MAD1L1: variants seen among roughly 807,000 people sequenced by gnomAD.
The protein encoded by MAD1L1 is mitotic spindle assembly checkpoint protein MAD1.
In MAD1L1, 95 loss-of-function variants were observed where a neutral mutation model predicts 96.9. That is an observed-to-expected ratio of 0.98 (90% CI 0.83 to 1.16). The LOEUF (loss-of-function observed/expected upper bound fraction) is 1.16. Among genes scored for constraint, MAD1L1 ranks in the 50% most tolerant of loss-of-function variants. The pLI is 0.00. For missense variants in MAD1L1, 1,007 were observed against 954.4 expected (o/e 1.06, Z -0.73); for synonymous variants, 473 against 396.6 (o/e 1.19, Z -2.29).
chr7:2,022,732 T>A (rs1391080453), intron 12 of MAD1L1, among the ~76,000 whole-genome samples: 1 of 152,102 alleles, frequency 6.6e-6, no homozygotes, highest in African/African-American at 2.4e-5. Flanking sequence ...TCATTTCGAA[T>A]GTGAATGATC....
At chr7:2,045,572 CTAATT>C (rs1783883649) in intron 12 of MAD1L1, among the ~76,000 whole-genome samples, 1 of 152,220 alleles carries the variant, frequency 6.6e-6, no homozygotes, top group Admixed American at 6.5e-5. Context: ...ACCAGTGGAT[CTAATT>C]TATTTAGAGA....
chr7:1,875,132 C>G (rs1327190310), intron 18 of MAD1L1, among the ~76,000 whole-genome samples: 1 of 152,170 alleles, frequency 6.6e-6, no homozygotes, highest in African/African-American at 2.4e-5. Flanking sequence ...GACTAACGAG[C>G]AGCTCCCCTG....
chr7:1,859,131 C>A (rs563710418), intron 18 of MAD1L1, among the ~76,000 whole-genome samples: 5 of 152,066 alleles, frequency 3.3e-5, no homozygotes, highest in Non-Finnish European at 7.4e-5. Flanking sequence ...CAACCCCACA[C>A]GCAGGAGGGC....
intron 18 of MAD1L1, among the ~76,000 whole-genome samples, chr7:1,831,670 C>T (rs574021631): frequency 6.6e-6 from 1 of 152,310 alleles, no homozygotes; most frequent in South Asian, 2.1e-4. Flanking sequence ...TTCCAACGAA[C>T]ACATGAATGA....
At chr7:1,875,351 C>T (rs1373950846) in intron 18 of MAD1L1, among the ~76,000 whole-genome samples, 1 of 152,202 alleles carries the variant, frequency 6.6e-6, no homozygotes, top group Admixed American at 6.5e-5. Flanking sequence ...AAGAAAACAT[C>T]CCCCAACTGG....
At chr7:1,868,156 A>C (rs923444180) in intron 18 of MAD1L1, among the ~76,000 whole-genome samples, 3 of 152,166 alleles carry the variant, frequency 2.0e-5, no homozygotes, top group Admixed American at 1.3e-4. Flanking sequence ...CCCCCCAGAC[A>C]CCAGCACTCC....
chr7:2,092,778 C>G (rs1786282095), intron 11 of MAD1L1, among the ~76,000 whole-genome samples: 1 of 152,192 alleles, frequency 6.6e-6, no homozygotes, highest in African/African-American at 2.4e-5. Flanking sequence ...TTCCACAGAG[C>G]AAGAGTCTTT....
chr7:2,064,150 C>G (rs1410334192), intron 12 of MAD1L1, among the ~76,000 whole-genome samples: 3 of 152,168 alleles, frequency 2.0e-5, no homozygotes, highest in African/African-American at 7.2e-5. Context: ...CAGCAACCCC[C>G]TGGCGAGGGA....
chr7:1,870,584 C>T (rs1228298578), intron 18 of MAD1L1, among the ~76,000 whole-genome samples: 18 of 142,538 alleles, frequency 1.3e-4, no homozygotes, highest in African/African-American at 3.9e-4. Context: ...ACGCCTGCCA[C>T]GCTGAACCCA....
At chr7:2,003,312 T>C (rs1338346551) in intron 13 of MAD1L1, among the ~76,000 whole-genome samples, 2 of 152,092 alleles carry the variant, frequency 1.3e-5, no homozygotes, top group African/African-American at 2.4e-5. Flanking sequence ...GTGTGTGGCA[T>C]GTGCACATGT....
intron 12 of MAD1L1, among the ~76,000 whole-genome samples, chr7:2,032,357 G>A (rs1479547727): frequency 3.9e-5 from 6 of 152,228 alleles, no homozygotes; most frequent in African/African-American, 1.4e-4. Context: ...GCCGAGCCTG[G>A]GCTCTTGGCC....
At chr7:1,943,697 C>T (rs192012630) in intron 16 of MAD1L1, among the ~76,000 whole-genome samples, 2 of 152,136 alleles carry the variant, frequency 1.3e-5, no homozygotes, top group East Asian at 1.9e-4. Flanking sequence ...AATGGTGAAA[C>T]GGTTACCATG....
At chr7:1,937,565 C>T (rs911936073) in intron 16 of MAD1L1, among the ~76,000 whole-genome samples, 1 of 151,754 alleles carries the variant, frequency 6.6e-6, no homozygotes, top group African/African-American at 2.4e-5. Context: ...GACAGCCCCC[C>T]ACAGCAGGGG....
At chr7:1,849,006 C>T (rs1783798736) in intron 18 of MAD1L1, 1 of 154,372 alleles carries the variant, frequency 6.5e-6, no homozygotes, top group African/African-American at 2.4e-5. Context: ...GAGGCGACGG[C>T]ATGTAGTTCT....
At chr7:1,969,092 A>T (rs1780297410) in intron 15 of MAD1L1, among the ~76,000 whole-genome samples, 1 of 152,294 alleles carries the variant, frequency 6.6e-6, no homozygotes, top group Non-Finnish European at 1.5e-5. Flanking sequence ...TTTTCAAAAA[A>T]TCGACTGTTG....
chr7:2,090,331 C>T (rs1189171726), intron 11 of MAD1L1, among the ~76,000 whole-genome samples: 4 of 152,224 alleles, frequency 2.6e-5, no homozygotes, highest in East Asian at 1.9e-4. Context: ...CTCAGGCAAG[C>T]GTCCTGAACA....
intron 11 of MAD1L1, among the ~76,000 whole-genome samples, chr7:2,093,822 G>A (rs767054085): frequency 6.6e-5 from 10 of 152,184 alleles, no homozygotes; most frequent in Middle Eastern, 3.2e-3. Context: ...ACCCAGGAAC[G>A]CAGACAAAGC....
At chr7:2,196,275 C>G (rs1303164964) in intron 10 of MAD1L1, among the ~76,000 whole-genome samples, 1 of 152,234 alleles carries the variant, frequency 6.6e-6, no homozygotes, top group Non-Finnish European at 1.5e-5. Context: ...ACAGTGCCAT[C>G]CTGCCAGCAA....
intron 12 of MAD1L1, among the ~76,000 whole-genome samples, chr7:2,030,156 G>A (rs1043866685): frequency 3.9e-5 from 6 of 152,152 alleles, no homozygotes; most frequent in Admixed American, 2.6e-4. Context: ...CCCCAGAAAC[G>A]CGGAACCCAG....
Sources: allele counts gnomAD v4.1 joint callset (sites outside exome capture counted in the v4.1 genomes callset), GRCh38; gene constraint gnomAD v4.1.1; transcripts MANE v1.5; gene names NCBI Gene and HGNC (gene_info 2026-07-23, HGNC 2026-07-21).